Variants in RAP1B observed in about 807,000 individuals in gnomAD.
RAP1B encodes RAP1B, member of RAS oncogene family.
Under a neutral mutation model 27.5 loss-of-function variants are expected in RAP1B, and 1 was observed. The observed-to-expected ratio is 0.04, with a 90% CI of 0.01 to 0.17. The LOEUF is 0.17. RAP1B is among the 10% of genes least tolerant of loss of function. RAP1B has a pLI of 1.00. For missense variants in RAP1B, 84 were observed against 214.8 expected (o/e 0.39, Z 3.81); for synonymous variants, 75 against 73.1 (o/e 1.03, Z -0.13).
rs1751332993 is a variant in RAP1B at position 68,662,351 on chromosome 12, A to G, written c.*3102A>G. The G allele has an allele frequency of 6.6e-6, 1 of 151,922 alleles. No individual in the cohort carries two copies. The highest frequency in any genetic ancestry group is 1.5e-5 in the Non-Finnish European group (1 of 67,954). 9.4% of individuals were successfully genotyped at this position (151,922 alleles called of 1,614,324 possible). ...AAAATCAGAGTGGTCTTTCACTTAC[A>G]TTTTTCTAAAAAGTGTAAAAACCCT... On this transcript the variant is annotated 3_prime_UTR_variant, in exon 8 of 8. Transcript: ENST00000250559.
At chr12:68,617,616 C>G (rs1871120095) in intron 1 of RAP1B, among the ~76,000 whole-genome samples, 1 of 152,154 alleles carries the variant, frequency 6.6e-6, no homozygotes, top group Admixed American at 6.5e-5. Context: ...ACTACAATGA[C>G]TTTTTTAAAG....
intron 1 of RAP1B, among the ~76,000 whole-genome samples, chr12:68,626,452 G>A (rs1051903171): frequency 6.6e-5 from 10 of 152,172 alleles, no homozygotes; most frequent in Admixed American, 4.6e-4. Context: ...GTTTTTGATG[G>A]TATCTTTAAA....
chr12:68,639,067 T>C (rs1051070861), intron 1 of RAP1B, among the ~76,000 whole-genome samples: 2 of 152,234 alleles, frequency 1.3e-5, no homozygotes, highest in South Asian at 2.1e-4. Context: ...AGGGATCTAG[T>C]CGAGAAGTCA....
At chr12:68,624,994 T>C (rs1189057497) in intron 1 of RAP1B, 5 of 152,370 alleles carry the variant, frequency 3.3e-5, no homozygotes, top group East Asian at 3.9e-4. Flanking sequence ...ACCCAGACTT[T>C]GGTTCTCATT....
chr12:68,654,033 ATAAT>A, intron 4 of RAP1B, 75 bp from the exon 5 acceptor site: 1 of 1,203,332 alleles, frequency 8.3e-7, no homozygotes. Context: ...TCATTGAGCT[ATAAT>A]TATAGACTGT....
chr12:68,615,736 G>C (rs1259371832), intron 1 of RAP1B, among the ~76,000 whole-genome samples: 2 of 151,962 alleles, frequency 1.3e-5, no homozygotes, highest in East Asian at 3.9e-4. Flanking sequence ...AAGCTTACTT[G>C]TAATTACTTT....
At chr12:68,640,147 A>AT (rs746631350) in intron 1 of RAP1B, among the ~76,000 whole-genome samples, 9 of 152,048 alleles carry the variant, frequency 5.9e-5, no homozygotes, top group Non-Finnish European at 1.3e-4. Context: ...CCCAAAGATG[A>AT]TTTTTTAAAT....
rs758277048 is a variant in RAP1B, at chr12:68,657,189, A to G, written c.*2A>G. ...AAGTCATCATGTCAGCTGCTTTAAT[A>G]TACTAAATGCATTGTAGCTCTGAGC... On this transcript the variant is annotated 3_prime_UTR_variant, in exon 7 of 8. Coordinates refer to ENST00000250559, the MANE Select transcript of RAP1B (RefSeq NM_001010942.3). 2.2e-5 allele frequency: 35 copies of G among 1,601,782 alleles called. No individual in the cohort carries two copies. The East Asian group carries it at 4.5e-4, about 20-fold the overall frequency.
At chr12:68,647,377 T>TCCCCCCCCCCC (rs1873489897) in intron 1 of RAP1B, among the ~76,000 whole-genome samples, 1 of 3,244 alleles carries the variant, frequency 3.1e-4, no homozygotes, top group African/African-American at 1.4e-3. Flanking sequence ...TGCCCCCCAC[T>TCCCCCCCCCCC]CCACTCCCCG....
rs1370671825 is a variant in RAP1B, at chr12:68,662,534, C to A, written c.*3285C>A. On this transcript the variant is annotated 3_prime_UTR_variant, in exon 8 of 8. Transcript: ENST00000250559. ...CATTCCGTCTTTAGTTGTGGGACAG[C>A]AAACTTAGAATCGAAACTCATCACT... The A allele has an allele frequency of 6.6e-6, 1 of 151,664 alleles. No homozygotes were observed. The highest frequency in any genetic ancestry group is 1.9e-4 in the East Asian group (1 of 5,170). The allele number at this position is 151,664 out of a possible 1,614,324, so 9.4% of individuals were successfully genotyped here.
At chr12:68,643,144 G>A (rs1873143951) in intron 1 of RAP1B, among the ~76,000 whole-genome samples, 1 of 152,014 alleles carries the variant, frequency 6.6e-6, no homozygotes, top group South Asian at 2.1e-4. Flanking sequence ...TTAAATGGTA[G>A]TACATGGCAG....
intron 7 of RAP1B, among the ~76,000 whole-genome samples, chr12:68,657,994 C>T (rs1033751676): frequency 6.6e-6 from 1 of 151,966 alleles, no homozygotes; most frequent in African/African-American, 2.4e-5. Context: ...AAAGGTGTAC[C>T]ATGGGGTTTG....
At chr12:68,619,283 G>A (rs1385660537) in intron 1 of RAP1B, among the ~76,000 whole-genome samples, 3 of 152,128 alleles carry the variant, frequency 2.0e-5, no homozygotes, top group Admixed American at 6.5e-5. Context: ...TTGCTTTAGG[G>A]AAAATAGTGG....
At chr12:68,616,555 C>T (rs974726063) in intron 1 of RAP1B, among the ~76,000 whole-genome samples, 1 of 149,934 alleles carries the variant, frequency 6.7e-6, no homozygotes, top group Non-Finnish European at 1.5e-5. Flanking sequence ...AAGCAGATCT[C>T]CTGCCTTAGC....
intron 1 of RAP1B, among the ~76,000 whole-genome samples, chr12:68,644,804 T>C (rs1023730444): frequency 6.8e-6 from 1 of 146,824 alleles, no homozygotes; most frequent in Non-Finnish European, 1.5e-5. Context: ...TTCTCCTGCC[T>C]CAGCCTTCCG....
intron 1 of RAP1B, chr12:68,627,110 G>T: frequency 6.3e-7 from 1 of 1,589,480 alleles, no homozygotes; most frequent in Non-Finnish European, 8.5e-7. Context: ...GAATGGAGAT[G>T]ATAACTTGGC....
chr12:68,643,907 T>TCCCC (rs1223972898), intron 1 of RAP1B, among the ~76,000 whole-genome samples: 1 of 152,058 alleles, frequency 6.6e-6, no homozygotes, highest in African/African-American at 2.4e-5. Flanking sequence ...AAATTCCCTA[T>TCCCC]CCCCCCACCT....
intron 1 of RAP1B, among the ~76,000 whole-genome samples, chr12:68,636,147 AGTCCTG>A (rs1422154153): frequency 1.3e-5 from 2 of 152,104 alleles, no homozygotes; most frequent in Admixed American, 6.5e-5. Flanking sequence ...GGCCTCCCAA[AGTCCTG>A]GTATTACAGG....
chr12:68,655,811 C>G (rs1004419877), intron 5 of RAP1B, among the ~76,000 whole-genome samples: 1 of 152,196 alleles, frequency 6.6e-6, no homozygotes, highest in Admixed American at 6.5e-5. Context: ...GCTGGGATTA[C>G]AGGCGTGAGC....
Sources: allele counts gnomAD v4.1 joint callset (sites outside exome capture counted in the v4.1 genomes callset), GRCh38; gene constraint gnomAD v4.1.1; transcripts MANE v1.5; gene names NCBI Gene and HGNC (gene_info 2026-07-23, HGNC 2026-07-21).